The following CLIP2 variants were observed in gnomAD, a reference collection of about 807,000 sequenced individuals.
CLIP2 encodes CAP-Gly domain-containing linker protein 2.
Under a neutral mutation model 111.7 loss-of-function variants are expected in CLIP2, and 41 were observed. That is an observed-to-expected ratio of 0.37 (90% CI 0.29 to 0.48). The LOEUF is 0.48. Ranked by LOEUF, CLIP2 falls within the 20% of genes least tolerant of loss-of-function variation. The pLI is 0.99. For synonymous variants in CLIP2, 660 were observed against 644.2 expected (o/e 1.02, Z -0.37); for missense variants, 1,160 against 1,422.1 (o/e 0.82, Z 2.96).
chr7:74,390,909 C>A (rs924196279), intron 13 of CLIP2, among the ~76,000 whole-genome samples: 2 of 151,692 alleles, frequency 1.3e-5, no homozygotes, highest in Admixed American at 1.3e-4. Context: ...ATTAGCCAGG[C>A]GTGTTGGCAG....
At chr7:74,290,709 G>A (rs1787991369) in intron 1 of CLIP2, among the ~76,000 whole-genome samples, 1 of 152,234 alleles carries the variant, frequency 6.6e-6, no homozygotes. Flanking sequence ...CTAGGGCTGT[G>A]GGCAGAGGAG....
chr7:74,391,404 T>C (rs1791289664), intron 13 of CLIP2, among the ~76,000 whole-genome samples: 1 of 152,164 alleles, frequency 6.6e-6, no homozygotes, highest in Non-Finnish European at 1.5e-5. Context: ...TTGAAAAGGT[T>C]TTAAGGGACC....
At chr7:74,361,005 C>G (rs1398472652) in intron 7 of CLIP2, among the ~76,000 whole-genome samples, 1 of 152,042 alleles carries the variant, frequency 6.6e-6, no homozygotes, top group Non-Finnish European at 1.5e-5. Context: ...TGCCCCACCC[C>G]TCCACCATGA....
At chr7:74,348,385 G>A (rs1199104683) in intron 3 of CLIP2, among the ~76,000 whole-genome samples, 1 of 152,116 alleles carries the variant, frequency 6.6e-6, no homozygotes, top group African/African-American at 2.4e-5. Context: ...GCTGGGTGAC[G>A]TGGCTCATAC....
intron 1 of CLIP2, among the ~76,000 whole-genome samples, chr7:74,301,036 A>T (rs1195085241): frequency 6.6e-6 from 1 of 152,194 alleles, no homozygotes; most frequent in Non-Finnish European, 1.5e-5. Context: ...GTACTAATTT[A>T]CATTCTTACC....
chr7:74,322,913 T>A (rs1338433406), intron 2 of CLIP2, among the ~76,000 whole-genome samples: 1 of 151,748 alleles, frequency 6.6e-6, no homozygotes, highest in Non-Finnish European at 1.5e-5. Flanking sequence ...GTATTTTTAA[T>A]AGAGATGGGG....
At chr7:74,346,932 A>G (rs1789814414) in intron 3 of CLIP2, among the ~76,000 whole-genome samples, 1 of 151,978 alleles carries the variant, frequency 6.6e-6, no homozygotes, top group South Asian at 2.1e-4. Context: ...CCAACTACTC[A>G]GGAGGCTGAG....
chr7:74,301,531 C>T (rs1236245809), intron 1 of CLIP2, among the ~76,000 whole-genome samples: 5 of 149,808 alleles, frequency 3.3e-5, no homozygotes, highest in African/African-American at 7.3e-5. Flanking sequence ...TACAGGCACC[C>T]GCCACAATGC....
At chr7:74,319,807 T>G (rs1788892783) in intron 2 of CLIP2, among the ~76,000 whole-genome samples, 5 of 127,722 alleles carry the variant, frequency 3.9e-5, no homozygotes, top group East Asian at 2.3e-4. Flanking sequence ...AGTGACAGAG[T>G]GAGACCCTAA....
intron 4 of CLIP2, 21 bp downstream of exon 4, chr7:74,354,025 G>T: frequency 6.3e-7 from 1 of 1,597,386 alleles, no homozygotes; most frequent in African/African-American, 1.3e-5. Context: ...CTTCTTCTGG[G>T]GAGTATGGGA....
In CLIP2 at chr7:74,403,984, G is replaced by GC. The variant is rs1347440025; in HGVS notation, c.*138dup. ...TGTTTGTAACAATAACGTACTCACC[G>GC]CCGCGGACAATCCCCCACCCCGATC... On this transcript the variant is annotated 3_prime_UTR_variant, in exon 17 of 17. Coordinates refer to ENST00000223398, the MANE Select transcript of CLIP2 (RefSeq NM_003388.5). The GC allele has an allele frequency of 1.5e-5, 14 of 957,218 alleles. No homozygotes were observed. The highest frequency in any genetic ancestry group is 2.2e-5 in the Non-Finnish European group (13 of 600,528). 59.3% of individuals were successfully genotyped at this position (957,218 alleles called of 1,614,324 possible).
chr7:74,339,525 T>C (rs1789595005), intron 3 of CLIP2, among the ~76,000 whole-genome samples: 1 of 152,032 alleles, frequency 6.6e-6, no homozygotes, highest in African/African-American at 2.4e-5. Flanking sequence ...AGACTGGTCT[T>C]GAACTCCCGA....
intron 12 of CLIP2, among the ~76,000 whole-genome samples, chr7:74,387,577 A>G (rs1399701146): frequency 2.0e-5 from 3 of 152,146 alleles, no homozygotes; most frequent in Non-Finnish European, 4.4e-5. Context: ...GTTCACCAGA[A>G]CACCAGTGGT....
At chr7:74,399,544 G>A (rs559798559) in intron 14 of CLIP2, among the ~76,000 whole-genome samples, 2 of 59,386 alleles carry the variant, frequency 3.4e-5, no homozygotes, top group Admixed American at 4.4e-4. Context: ...TCTTTTTTTG[G>A]GGGGGGGGGG....
At chr7:74,337,441 A>G (rs1789504956) in intron 2 of CLIP2, among the ~76,000 whole-genome samples, 1 of 151,450 alleles carries the variant, frequency 6.6e-6, no homozygotes, top group African/African-American at 2.4e-5. Context: ...CTTGCACAAC[A>G]CCTAGGTCCC....
chr7:74,297,207 T>C (rs1305539711), intron 1 of CLIP2, among the ~76,000 whole-genome samples: 1 of 152,134 alleles, frequency 6.6e-6, no homozygotes, highest in Non-Finnish European at 1.5e-5. Context: ...GTGTGGTGGC[T>C]CACACCTGTA....
At chr7:74,312,667 G>A (rs1169110871) in intron 1 of CLIP2, among the ~76,000 whole-genome samples, 2 of 152,158 alleles carry the variant, frequency 1.3e-5, no homozygotes, top group African/African-American at 4.8e-5. Context: ...TTGTACCCCA[G>A]CATGATTGAC....
chr7:74,388,106 G>A (rs1485986957), intron 12 of CLIP2, among the ~76,000 whole-genome samples: 1 of 152,118 alleles, frequency 6.6e-6, no homozygotes, highest in African/African-American at 2.4e-5. Context: ...GAAGCGGGTA[G>A]ATCACCTGAG....
At chr7:74,372,698 C>T (rs553856119) in intron 8 of CLIP2, among the ~76,000 whole-genome samples, 25 of 150,180 alleles carry the variant, frequency 1.7e-4, no homozygotes, top group African/African-American at 5.6e-4. Flanking sequence ...CTGACCCAGC[C>T]GGGACACAGC....
Sources: allele counts gnomAD v4.1 joint callset (sites outside exome capture counted in the v4.1 genomes callset), GRCh38; gene constraint gnomAD v4.1.1; transcripts MANE v1.5; gene names NCBI Gene and HGNC (gene_info 2026-07-23, HGNC 2026-07-21).